The following NDRG1 variants were observed in gnomAD, a reference collection of about 807,000 sequenced individuals.
NDRG1 encodes the protein N-myc downstream regulated 1.
Under a neutral mutation model 56.9 loss-of-function variants are expected in NDRG1, and 32 were observed. The ratio of observed to expected loss-of-function variants is 0.56; its 90% CI spans 0.42 to 0.76. The LOEUF is 0.76. Ranked by LOEUF, NDRG1 falls within the 30% of genes least tolerant of loss-of-function variation. NDRG1 has a pLI of 0.00. For synonymous variants in NDRG1, 211 were observed against 204.1 expected, an observed-to-expected ratio of 1.03 and a Z score of -0.29; for missense variants, 507 against 545.7, an observed-to-expected ratio of 0.93 and a Z score of 0.71.
intron 7 of NDRG1, among the ~76,000 whole-genome samples, chr8:133,257,345 G>A (rs899176848): frequency 2.0e-5 from 3 of 151,522 alleles, no homozygotes; most frequent in Non-Finnish European, 4.4e-5. Flanking sequence ...ATGCATCGCT[G>A]AATAACAGGG....
At position 133,290,745 on chromosome 8, in the gene NDRG1, A is replaced by G. The variant is rs114031661; in HGVS notation, c.-19+6389T>C. On this transcript the variant is annotated intron_variant, in intron 1 of 15. Transcript: ENST00000323851. ...GGCTTGAGCTTTTGGCAAAACCAGC[A>G]TCTTGAACTTTTCTCCCTTCACAAC... Among the ~76,000 whole-genome samples the G allele has an allele frequency of 3.8e-3, 576 of 152,314 alleles. 3 individuals carry two copies. Among genetic ancestry groups the G allele is most frequent in the African/African-American group, 0.013 (525 of 41,570 alleles).
chr8:133,239,330 C>T, intron 15 of NDRG1: 1 of 758,846 alleles, frequency 1.3e-6, no homozygotes, highest in Non-Finnish European at 2.1e-6. Context: ...CTGCCGCAAT[C>T]ACACCATGAG....
intron 13 of NDRG1, 102 bp from the exon 14 acceptor site, chr8:133,244,492 C>T (rs1451885411): frequency 7.9e-7 from 1 of 1,272,200 alleles, no homozygotes; most frequent in Non-Finnish European, 1.1e-6. Context: ...GCTGCCCTGC[C>T]CTGCCTTGTC....
chr8:133,281,070 T>G (rs1389661186), intron 2 of NDRG1: 2 of 152,180 alleles, frequency 1.3e-5, no homozygotes, highest in African/African-American at 4.8e-5. Flanking sequence ...AAATTCTGAG[T>G]TTCAGGCTGG....
chr8:133,251,712 G>A (rs1377678453), intron 9 of NDRG1, among the ~76,000 whole-genome samples: 1 of 152,174 alleles, frequency 6.6e-6, no homozygotes, highest in African/African-American at 2.4e-5. Flanking sequence ...CTAAACTGTG[G>A]CCCTCAAAAG....
At chr8:133,262,003 CCA>C in intron 5 of NDRG1, 42 bp downstream of exon 5, 1 of 1,541,974 alleles carries the variant, frequency 6.5e-7, no homozygotes. Flanking sequence ...TCCCCGACAC[CCA>C]GTTTCCACCC....
At chr8:133,266,181 C>T (rs1407315518) in intron 3 of NDRG1, among the ~76,000 whole-genome samples, 1 of 152,262 alleles carries the variant, frequency 6.6e-6, no homozygotes, top group Non-Finnish European at 1.5e-5. Context: ...GTCCCCCAGA[C>T]AATCAGCCTC....
intron 2 of NDRG1, 56 bp downstream of exon 2, chr8:133,284,193 G>T: frequency 6.5e-7 from 1 of 1,533,414 alleles, no homozygotes; most frequent in Non-Finnish European, 9.0e-7. Context: ...GTGTGCCTGT[G>T]TGTGTCTATG....
chr8:133,268,105 T>TCTCAA (rs1187572444), intron 3 of NDRG1, among the ~76,000 whole-genome samples: 1 of 152,020 alleles, frequency 6.6e-6, no homozygotes, highest in Non-Finnish European at 1.5e-5. Context: ...GCTGCCTAGG[T>TCTCAA]CTCACTCACT....
chr8:133,275,135 G>A (rs1468958920), intron 3 of NDRG1, among the ~76,000 whole-genome samples: 8 of 152,116 alleles, frequency 5.3e-5, no homozygotes, highest in Admixed American at 2.0e-4. Context: ...GAGAGCTTCC[G>A]TCGTCACACT....
At chr8:133,295,530 T>C (rs1358857814) in intron 1 of NDRG1, among the ~76,000 whole-genome samples, 4 of 152,240 alleles carry the variant, frequency 2.6e-5, no homozygotes, top group Admixed American at 6.5e-5. Context: ...CAGCCGTGTG[T>C]CTTCCCCACC....
intron 3 of NDRG1, among the ~76,000 whole-genome samples, chr8:133,266,763 C>A (rs1265516997): frequency 6.6e-6 from 1 of 152,180 alleles, no homozygotes; most frequent in East Asian, 1.9e-4. Context: ...CCCGCAGGGA[C>A]GAGTGGGTGA....
At chr8:133,241,633 G>A (rs1855386889) in intron 15 of NDRG1, 3 of 328,234 alleles carry the variant, frequency 9.1e-6, no homozygotes, top group Non-Finnish European at 1.8e-5. Flanking sequence ...TAATGTGTTA[G>A]TAATCTTTCA....
intron 13 of NDRG1, among the ~76,000 whole-genome samples, chr8:133,245,671 AT>A (rs930029167): frequency 1.3e-5 from 2 of 152,114 alleles, no homozygotes; most frequent in African/African-American, 4.8e-5. Context: ...CCACACCTTG[AT>A]TTCGGACTTT....
chr8:133,285,182 C>A (rs62518079), intron 1 of NDRG1, among the ~76,000 whole-genome samples: 5 of 152,114 alleles, frequency 3.3e-5, no homozygotes, highest in African/African-American at 1.2e-4. Flanking sequence ...AAGCATGCCT[C>A]CAAGAGCTGA....
At chr8:133,250,654 TA>T in intron 9 of NDRG1, 111 bp from the exon 10 acceptor site, 1 of 944,882 alleles carries the variant, frequency 1.1e-6, no homozygotes, top group East Asian at 2.5e-5. Flanking sequence ...TAATAATGCC[TA>T]ATCCACAAGA....
chr8:133,280,499 C>T (rs976907050), intron 2 of NDRG1, among the ~76,000 whole-genome samples: 20 of 151,446 alleles, frequency 1.3e-4, no homozygotes, highest in African/African-American at 2.2e-4. Flanking sequence ...TCGCAGCTCA[C>T]TGCAAGCTCC....
intron 1 of NDRG1, among the ~76,000 whole-genome samples, chr8:133,290,663 T>C (rs531480014): frequency 6.6e-6 from 1 of 152,340 alleles, no homozygotes; most frequent in African/African-American, 2.4e-5. Context: ...GGAGGTCAGC[T>C]GGGACAGTCA....
intron 15 of NDRG1, 34 bp from the exon 16 acceptor site, chr8:133,239,153 G>A (rs1855242648): frequency 6.5e-7 from 1 of 1,550,118 alleles, no homozygotes; most frequent in Non-Finnish European, 8.7e-7. Flanking sequence ...TTAGAGGGCA[G>A]GAGACTGCCA....
Sources: gnomAD v4.1 joint callset for allele counts (sites outside exome capture counted in the v4.1 genomes callset) on GRCh38, gnomAD v4.1.1 for gene constraint, MANE v1.5 for transcripts, NCBI Gene and HGNC (gene_info 2026-07-23, HGNC 2026-07-21) for gene names.